The following BABAM2 variants were observed in gnomAD, a reference collection of about 807,000 sequenced individuals.
BABAM2 encodes the protein BRISC and BRCA1-A complex member 2.
A neutral mutation model predicts 54.7 loss-of-function variants in BABAM2; 31 were observed. The observed-to-expected ratio is 0.57, with a 90% CI of 0.43 to 0.77. The LOEUF (loss-of-function observed/expected upper bound fraction) is 0.77. BABAM2 is among the 30% of genes least tolerant of loss of function. The pLI, the probability that BABAM2 is intolerant of heterozygous loss-of-function variation, is 0.00. For synonymous variants in BABAM2, 167 were observed against 162.9 expected, an observed-to-expected ratio of 1.03 and a Z score of -0.19; for missense variants, 364 against 455.8, an observed-to-expected ratio of 0.80 and a Z score of 1.83.
intron 2 of BABAM2, among the ~76,000 whole-genome samples, chr2:27,900,844 T>C (rs552465285): frequency 2.6e-4 from 40 of 151,930 alleles, no homozygotes; most frequent in South Asian, 4.2e-4. Flanking sequence ...GAGATCGAGG[T>C]CATCCTGGCT....
At chr2:28,199,686 CAG>C (rs917862190) in intron 7 of BABAM2, among the ~76,000 whole-genome samples, 2 of 152,148 alleles carry the variant, frequency 1.3e-5, no homozygotes, top group Non-Finnish European at 2.9e-5. Context: ...AAGTGAGGAA[CAG>C]AAAACGAACT....
In BABAM2 at chr2:28,023,021, T is replaced by C. The variant is rs553677185; in HGVS notation, c.301-2205T>C. Among the ~76,000 whole-genome samples the C allele has an allele frequency of 8.5e-5, 13 of 152,326 alleles. No homozygotes were observed. The East Asian group carries it at 2.5e-3, about 29-fold the overall frequency. ...CTAGAGGAATTTTTATCTTGTTTAG[T>C]ATAGCTAAACCATCCTTGATTGGGA... On this transcript the variant is annotated intron_variant, in intron 4 of 11. Coordinates refer to ENST00000379624, the MANE Select transcript of BABAM2 (RefSeq NM_199191.3).
intron 10 of BABAM2, among the ~76,000 whole-genome samples, chr2:28,252,723 A>C (rs996657570): frequency 1.3e-5 from 2 of 152,222 alleles, no homozygotes; most frequent in African/African-American, 4.8e-5. Context: ...AAGGTTGTAA[A>C]TCACTTGCAC....
intron 10 of BABAM2, among the ~76,000 whole-genome samples, chr2:28,263,915 G>A (rs1484161083): frequency 3.9e-5 from 6 of 152,194 alleles, no homozygotes; most frequent in Admixed American, 2.6e-4. Flanking sequence ...GGAAACCACA[G>A]TACCTGCCAG....
chr2:28,069,924 G>A (rs1214042271), intron 6 of BABAM2, among the ~76,000 whole-genome samples: 1 of 152,160 alleles, frequency 6.6e-6, no homozygotes, highest in Non-Finnish European at 1.5e-5. Flanking sequence ...GCGCAGGCTG[G>A]ATCACAGAGG....
chr2:28,191,277 A>T, intron 7 of BABAM2, among the ~76,000 whole-genome samples: 1 of 152,246 alleles, frequency 6.6e-6, no homozygotes, highest in South Asian at 2.1e-4. Context: ...AGGATGTAGA[A>T]CTGGAACTTT....
At chr2:27,900,130 G>A (rs960366511) in intron 2 of BABAM2, among the ~76,000 whole-genome samples, 2 of 152,112 alleles carry the variant, frequency 1.3e-5, no homozygotes, top group Non-Finnish European at 2.9e-5. Flanking sequence ...TAGATCTTCA[G>A]CAGACACAGT....
intron 9 of BABAM2, 119 bp from the exon 10 acceptor site, chr2:28,244,661 C>A: frequency 3.4e-6 from 3 of 873,414 alleles, no homozygotes; most frequent in Non-Finnish European, 5.3e-6. Flanking sequence ...TGCCTTAAAC[C>A]CATCTCAAAG....
At chr2:28,157,672 C>T (rs1434177331) in intron 7 of BABAM2, among the ~76,000 whole-genome samples, 6 of 152,120 alleles carry the variant, frequency 3.9e-5, no homozygotes, top group East Asian at 3.9e-4. Context: ...AGTGCAATGG[C>T]GCGATCTCGG....
At chr2:28,244,905 A>G (rs916027138) in intron 10 of BABAM2, 43 bp downstream of exon 10, 7 of 1,556,952 alleles carry the variant, frequency 4.5e-6, no homozygotes, top group Non-Finnish European at 5.3e-6. Context: ...TACATTTTTA[A>G]ATGTCCTAAA....
chr2:28,130,295 A>G (rs1669911194), intron 7 of BABAM2, among the ~76,000 whole-genome samples: 1 of 152,166 alleles, frequency 6.6e-6, no homozygotes, highest in African/African-American at 2.4e-5. Context: ...CTAATTTATA[A>G]ATCATGGACA....
chr2:28,129,437 C>A, intron 7 of BABAM2, 57 bp downstream of exon 7: 1 of 1,409,972 alleles, frequency 7.1e-7, no homozygotes, highest in South Asian at 1.2e-5. Context: ...CAATATGTCT[C>A]ATTCTTTCTT....
chr2:27,907,096 G>A (rs1247620946), intron 2 of BABAM2, among the ~76,000 whole-genome samples: 4 of 152,004 alleles, frequency 2.6e-5, no homozygotes, highest in Non-Finnish European at 5.9e-5. Context: ...TACTTGAATA[G>A]TTTTATTTTT....
At chr2:28,189,330 C>T (rs570600155) in intron 7 of BABAM2, among the ~76,000 whole-genome samples, 8 of 152,024 alleles carry the variant, frequency 5.3e-5, no homozygotes, top group African/African-American at 1.9e-4. Context: ...AAGACATGTA[C>T]AAGAAAGAAT....
At chr2:28,100,441 C>CA (rs1666982224) in intron 6 of BABAM2, among the ~76,000 whole-genome samples, 1 of 118,254 alleles carries the variant, frequency 8.5e-6, no homozygotes. Flanking sequence ...GCCTGGGTGA[C>CA]AGAGCGAGAG....
intron 10 of BABAM2, among the ~76,000 whole-genome samples, chr2:28,249,087 GTTT>G (rs367887351): frequency 3.1e-5 from 4 of 129,584 alleles, no homozygotes; most frequent in Non-Finnish European, 3.3e-5. Context: ...TTGTTTGCTT[GTTT>G]TTTTTTTTTT....
intron 4 of BABAM2, among the ~76,000 whole-genome samples, chr2:28,005,762 A>G (rs1673909999): frequency 6.6e-6 from 1 of 152,118 alleles, no homozygotes; most frequent in Non-Finnish European, 1.5e-5. Context: ...GGGGTATTGT[A>G]TAATGAATCC....
At chr2:27,983,542 T>C (rs755792475) in intron 3 of BABAM2, among the ~76,000 whole-genome samples, 4 of 152,140 alleles carry the variant, frequency 2.6e-5, no homozygotes, top group Non-Finnish European at 5.9e-5. Flanking sequence ...ACAGATCAAC[T>C]TGGGTTGTGT....
chr2:27,938,102 A>G (rs1307899090), intron 3 of BABAM2, among the ~76,000 whole-genome samples: 1 of 152,188 alleles, frequency 6.6e-6, no homozygotes, highest in Non-Finnish European at 1.5e-5. Context: ...TTTGTCAAAA[A>G]TCAGTTAGCT....
Sources: allele counts gnomAD v4.1 joint callset (sites outside exome capture counted in the v4.1 genomes callset), GRCh38; gene constraint gnomAD v4.1.1; transcripts MANE v1.5; gene names NCBI Gene and HGNC (gene_info 2026-07-23, HGNC 2026-07-21).